The following PARP14 variants were observed in gnomAD, a reference collection of about 807,000 sequenced individuals.
PARP14 encodes protein mono-ADP-ribosyltransferase PARP14.
Under a neutral mutation model 154.2 loss-of-function variants are expected in PARP14, and 59 were observed. The ratio of observed to expected loss-of-function variants is 0.38; its 90% CI spans 0.31 to 0.48. The LOEUF (loss-of-function observed/expected upper bound fraction) is 0.48. Ranked by LOEUF, PARP14 falls within the 20% of genes least tolerant of loss-of-function variation. PARP14 has a pLI of 0.98. For synonymous variants in PARP14, 720 were observed against 780.5 expected (o/e 0.92, Z 1.29); for missense variants, 1,734 against 2,131.6 (o/e 0.81, Z 3.67).
At chr3:122,727,005 A>C (rs1294766837) in intron 15 of PARP14, among the ~76,000 whole-genome samples, 1 of 151,646 alleles carries the variant, frequency 6.6e-6, no homozygotes, top group Non-Finnish European at 1.5e-5. Context: ...TGGAAAAAAA[A>C]AAAAAAAGAA....
At chr3:122,727,252 G>A (rs1222452548) in intron 15 of PARP14, among the ~76,000 whole-genome samples, 2 of 152,282 alleles carry the variant, frequency 1.3e-5, no homozygotes, top group South Asian at 2.1e-4. Context: ...CCACCGCCCT[G>A]GAGGCCACTG....
At position 122,728,367 on chromosome 3, in the gene PARP14, A is replaced by T. The variant is rs781746146; in HGVS notation, c.5176A>T (p.Thr1726Ser). ...CAATGCCAATTATTCTGCCAATGAT[A>T]CGTACTCCAGACCAGATGCAAATGG... ...AVNANYSAND[T>S]YSRPDANGRK... The change falls in exon 17 of 17, where the codon ACG (threonine) becomes TCG (serine). Residue 1726 changes from threonine (T) to serine (S), a missense_variant. Physicochemically the swap from Thr to Ser is moderately conservative, Grantham distance 58. This residue lies in a region of PARP14 where 88 missense variants were observed against 155.6 expected (regional missense o/e 0.57). Transcript: ENST00000474629. 2.5e-6 allele frequency: 4 copies of T among 1,613,322 alleles called. No homozygotes were observed. Among genetic ancestry groups the T allele is most frequent in the Admixed American group, 1.7e-5 (1 of 60,004 alleles).
Position 122,729,755 on chromosome 3 carries a change from T to C in PARP14, c.*1158T>C, listed in dbSNP as rs1465978563. 6.6e-6 allele frequency: 1 copy of C among 152,216 alleles called. No homozygotes were observed. The highest frequency in any genetic ancestry group is 6.5e-5 in the Admixed American group (1 of 15,280). 9.4% of individuals were successfully genotyped at this position (152,216 alleles called of 1,614,324 possible). ...AGTGTCTACTCATTGGTCTTTGTTC[T>C]GCCCAGTGATAACAATGGGATAACG... is the stretch of plus-strand genomic sequence containing the variant. On this transcript the variant is annotated 3_prime_UTR_variant, in exon 17 of 17. Transcript: ENST00000474629.
chr3:122,706,727 A>G (rs1027641974), intron 8 of PARP14, among the ~76,000 whole-genome samples: 2 of 152,108 alleles, frequency 1.3e-5, no homozygotes, highest in East Asian at 3.9e-4. Flanking sequence ...ATCTTTAGCC[A>G]AGATGTTACT....
chr3:122,691,453 T>C (rs960387679), intron 3 of PARP14, among the ~76,000 whole-genome samples: 1 of 152,254 alleles, frequency 6.6e-6, no homozygotes, highest in Admixed American at 6.5e-5. Context: ...GGGCTTCGTA[T>C]ACAGCAGGCC....
intron 12 of PARP14, among the ~76,000 whole-genome samples, chr3:122,715,938 A>C (rs1042278286): frequency 1.3e-5 from 2 of 152,212 alleles, no homozygotes; most frequent in African/African-American, 4.8e-5. Context: ...TTCTGGACTC[A>C]ACAACAAATC....
intron 12 of PARP14, among the ~76,000 whole-genome samples, chr3:122,715,651 T>TATCG (rs879939614): frequency 3.1e-4 from 44 of 141,882 alleles, no homozygotes; most frequent in East Asian, 6.3e-4. Context: ...TCTATCTATC[T>TATCG]ATCGATCTGT....
chr3:122,697,669 G>A lies in PARP14; in HGVS notation c.836-1721G>A, dbSNP rs115753196. Among the ~76,000 whole-genome samples, 559 of 152,314 alleles carry A rather than the reference G, an allele frequency of 3.7e-3. 6 individuals carry two copies. The highest frequency in any genetic ancestry group is 0.013 in the African/African-American group (540 of 41,566). ...AAAGGAAAAAATTAGGCATTTTACT[G>A]TAAAATTATTTGGTTCAACTTCACA... is the stretch of plus-strand genomic sequence containing the variant. On this transcript the variant is annotated intron_variant, in intron 5 of 16. Coordinates refer to ENST00000474629, the MANE Select transcript of PARP14 (RefSeq NM_017554.3).
chr3:122,698,920 T>C (rs1938862983), intron 5 of PARP14, among the ~76,000 whole-genome samples: 1 of 152,222 alleles, frequency 6.6e-6, no homozygotes, highest in African/African-American at 2.4e-5. Flanking sequence ...ACCAAAATAT[T>C]TTTTATACTA....
chr3:122,685,215 A>G lies in PARP14; in HGVS notation c.218A>G (p.His73Arg). ...VRQKVLERKN[H>R]ELVWQGKGTF... ...CAGAAGGTTCTGGAGAGAAAAAATC[A>G]TGAGTTGGTATGGCAAGGAAAAGGA... Residue 73 changes from histidine (H) to arginine (R), a missense_variant, in exon 2 of 17, where the codon CAT becomes CGT. Around this residue, in one of 2 missense-constraint regions of PARP14, gnomAD observed 1,646 missense variants for 1,976.0 expected, o/e 0.83. Transcript: ENST00000474629. The G allele has an allele frequency of 6.2e-7, 1 of 1,613,954 alleles. No homozygotes were observed. Among genetic ancestry groups the G allele is most frequent in the Non-Finnish European group, 8.5e-7 (1 of 1,179,858 alleles).
rs1448340998 is a variant in PARP14 at position 122,687,655 on chromosome 3, G to A, written c.355+542G>A. Among the ~76,000 whole-genome samples, 4 of 152,208 alleles carry A rather than the reference G, an allele frequency of 2.6e-5. No individual in the cohort carries two copies. The South Asian group carries it at 6.2e-4, about 24-fold the overall frequency. On this transcript the variant is annotated intron_variant, in intron 3 of 16. Transcript: ENST00000474629. ...CTGATCTCATCTGCTCTAGGAAACAGCCAGCGACCAATTAGCTGTTGTGGA... is the reference window on the plus strand; with the variant it reads ...CTGATCTCATCTGCTCTAGGAAACAACCAGCGACCAATTAGCTGTTGTGGA...
intron 2 of PARP14, among the ~76,000 whole-genome samples, chr3:122,685,586 T>A (rs548033791): frequency 6.6e-6 from 1 of 151,856 alleles, no homozygotes; most frequent in South Asian, 2.1e-4. Context: ...CTTGGCTCAC[T>A]GCAACCTCTG....
At chr3:122,715,595 C>A (rs562813020) in intron 12 of PARP14, among the ~76,000 whole-genome samples, 29 of 142,582 alleles carry the variant, frequency 2.0e-4, no homozygotes, top group African/African-American at 7.1e-4. Context: ...CTCTACCAGT[C>A]ATCTATCTAT....
At chr3:122,696,960 T>C (rs1051686132) in intron 5 of PARP14, among the ~76,000 whole-genome samples, 1 of 152,144 alleles carries the variant, frequency 6.6e-6, no homozygotes, top group Non-Finnish European at 1.5e-5. Flanking sequence ...ATTTTCATTT[T>C]ATTATGTATT....
At chr3:122,683,359 A>C in intron 1 of PARP14, 2 of 830,658 alleles carry the variant, frequency 2.4e-6, no homozygotes, top group Non-Finnish European at 2.9e-6. Context: ...ATAGGCAGAT[A>C]ACAAGAATGA....
intron 3 of PARP14, among the ~76,000 whole-genome samples, chr3:122,689,015 C>T (rs982945015): frequency 3.3e-5 from 5 of 152,136 alleles, no homozygotes; most frequent in African/African-American, 1.2e-4. Context: ...CTTGGAAGGT[C>T]CTGGAGAAGA....
intron 11 of PARP14, 110 bp downstream of exon 11, chr3:122,714,044 A>G: frequency 1.2e-6 from 1 of 859,436 alleles, no homozygotes; most frequent in Non-Finnish European, 1.9e-6. Context: ...TTAAAATGAT[A>G]CATTTTACTA....
chr3:122,692,801 G>A lies in PARP14; in HGVS notation c.598+258G>A, dbSNP rs189218094. ...TGTGACTGAGAGAGAGAGAGAGACA[G>A]GCAGAGAGGGTAAGAAAGTGCGTGA... On this transcript the variant is annotated intron_variant, in intron 4 of 16. Coordinates refer to ENST00000474629, the MANE Select transcript of PARP14 (RefSeq NM_017554.3). Among the ~76,000 whole-genome samples, 430 of 152,254 alleles carry A rather than the reference G, an allele frequency of 2.8e-3. 7 individuals are homozygous for A. The highest frequency in any genetic ancestry group is 8.8e-4 in the Non-Finnish European group (60 of 68,020).
chr3:122,710,391 C>G (rs1939285734), intron 9 of PARP14, among the ~76,000 whole-genome samples: 2 of 151,842 alleles, frequency 1.3e-5, no homozygotes, highest in Admixed American at 1.3e-4. Flanking sequence ...ATTTCTTGAC[C>G]CTCTATTCTG....
Sources: allele counts gnomAD v4.1 joint callset (sites outside exome capture counted in the v4.1 genomes callset), GRCh38; gene constraint gnomAD v4.1.1; regional missense constraint gnomAD v4.1.1; transcripts MANE v1.5; gene names NCBI Gene and HGNC (gene_info 2026-07-23, HGNC 2026-07-21).